Variants in MYO16 observed in about 807,000 individuals in gnomAD.
The protein encoded by MYO16 is myosin XVI.
Under a neutral mutation model 205.3 loss-of-function variants are expected in MYO16, and 94 were observed. The observed-to-expected ratio is 0.46, with a 90% CI of 0.39 to 0.54. MYO16 has a LOEUF of 0.54. Among genes scored for constraint, MYO16 ranks in the 20% least tolerant of loss-of-function variants. The pLI, the probability that MYO16 is intolerant of heterozygous loss-of-function variation, is 0.00. For missense variants in MYO16, 2,315 were observed against 2,387.5 expected, an observed-to-expected ratio of 0.97 and a Z score of 0.63; for synonymous variants, 988 against 954.0, an observed-to-expected ratio of 1.04 and a Z score of -0.66.
At chr13:109,052,534 CTT>C (rs56307546) in intron 25 of MYO16, 59 bp downstream of exon 25, 112 of 1,275,608 alleles carry the variant, frequency 8.8e-5, no homozygotes, top group Non-Finnish European at 1.1e-4. Flanking sequence ...ATATTTGCTT[CTT>C]TTTTTTTAAA....
At chr13:108,648,743 A>C (rs550438042) in intron 1 of MYO16, among the ~76,000 whole-genome samples, 2 of 152,236 alleles carry the variant, frequency 1.3e-5, no homozygotes, top group South Asian at 2.1e-4. Context: ...CTTGGTTGCC[A>C]CTGGCAGAAA....
chr13:109,024,370 T>C (rs1339539124), intron 23 of MYO16, among the ~76,000 whole-genome samples: 1 of 152,050 alleles, frequency 6.6e-6, no homozygotes, highest in Non-Finnish European at 1.5e-5. Context: ...CTGAGTCTGT[T>C]TGTACTGTGT....
intron 27 of MYO16, among the ~76,000 whole-genome samples, chr13:109,074,968 A>G (rs1466457673): frequency 6.6e-6 from 1 of 152,200 alleles, no homozygotes; most frequent in Admixed American, 6.5e-5. Flanking sequence ...ATGGCACCAT[A>G]AATTGTTTAC....
intron 30 of MYO16, among the ~76,000 whole-genome samples, chr13:109,126,431 G>A (rs1360762979): frequency 6.6e-6 from 1 of 152,172 alleles, no homozygotes; most frequent in Admixed American, 6.5e-5. Flanking sequence ...ACTCCTTGTA[G>A]AATGAATGCA....
the MYO16 span, among the ~76,000 whole-genome samples, chr13:108,577,165 A>G: frequency 9.3e-3 from 1,409 of 152,292 alleles, 8 homozygotes; most frequent in Non-Finnish European, 0.014. Context: ...GTTTAATGCA[A>G]TATGACATTT....
chr13:109,041,951 A>T (rs1594495391), intron 23 of MYO16, among the ~76,000 whole-genome samples: 1 of 147,592 alleles, frequency 6.8e-6, no homozygotes, highest in Admixed American at 6.8e-5. Context: ...TGCAATCTCC[A>T]CCTCCTGGGT....
intron 12 of MYO16, among the ~76,000 whole-genome samples, chr13:108,879,626 C>A (rs963255217): frequency 6.6e-6 from 1 of 152,242 alleles, no homozygotes; most frequent in East Asian, 1.9e-4. Flanking sequence ...GTTTTCTGTC[C>A]TTGCAATAGT....
intron 20 of MYO16, among the ~76,000 whole-genome samples, chr13:108,986,138 A>T (rs1014865922): frequency 1.3e-5 from 2 of 152,144 alleles, no homozygotes; most frequent in Non-Finnish European, 2.9e-5. Flanking sequence ...GATTATCGTG[A>T]GAAAAATCTG....
At chr13:109,093,860 G>C (rs1330725413) in intron 27 of MYO16, among the ~76,000 whole-genome samples, 1 of 151,952 alleles carries the variant, frequency 6.6e-6, no homozygotes, top group African/African-American at 2.4e-5. Flanking sequence ...TCACAGTATC[G>C]ATGATGATTT....
chr13:108,844,299 C>G, intron 9 of MYO16, 44 bp from the exon 10 acceptor site: 1 of 1,543,110 alleles, frequency 6.5e-7, no homozygotes, highest in African/African-American at 1.4e-5. Context: ...ATTGATAAAA[C>G]ATTAGAAAGA....
At chr13:108,778,174 C>T (rs1886183962) in intron 4 of MYO16, among the ~76,000 whole-genome samples, 1 of 152,136 alleles carries the variant, frequency 6.6e-6, no homozygotes, top group South Asian at 2.1e-4. Context: ...TACGGTGGGA[C>T]TAGAAGAAAA....
intron 15 of MYO16, among the ~76,000 whole-genome samples, chr13:108,902,213 G>A (rs887624265): frequency 3.9e-5 from 6 of 152,172 alleles, no homozygotes; most frequent in Admixed American, 6.5e-5. Context: ...ACATCCTCAC[G>A]TCTGCCACGC....
intron 7 of MYO16, among the ~76,000 whole-genome samples, chr13:108,819,027 A>G (rs1471476862): frequency 1.3e-5 from 2 of 152,180 alleles, no homozygotes; most frequent in African/African-American, 4.8e-5. Context: ...AATCTGAGCA[A>G]TCTCTTGGAA....
intron 3 of MYO16, among the ~76,000 whole-genome samples, chr13:108,725,806 G>C (rs1241648330): frequency 6.6e-6 from 1 of 152,036 alleles, no homozygotes; most frequent in Non-Finnish European, 1.5e-5. Flanking sequence ...AGCCACCCTG[G>C]TCTCTCAAGA....
intron 28 of MYO16, among the ~76,000 whole-genome samples, chr13:109,115,896 ATATTACT>A (rs1875653068): frequency 6.6e-6 from 1 of 152,194 alleles, no homozygotes; most frequent in African/African-American, 2.4e-5. Flanking sequence ...GAACTGCAAA[ATATTACT>A]TAACTGCTAA....
intron 12 of MYO16, among the ~76,000 whole-genome samples, chr13:108,879,597 T>C (rs1879501247): frequency 1.3e-5 from 2 of 152,046 alleles, no homozygotes; most frequent in African/African-American, 4.8e-5. Context: ...CACCTATGAG[T>C]GAGAACATGA....
chr13:108,949,788 G>T (rs1019498565), intron 16 of MYO16, among the ~76,000 whole-genome samples: 1 of 152,162 alleles, frequency 6.6e-6, no homozygotes, highest in East Asian at 1.9e-4. Flanking sequence ...TGCAGCTAGA[G>T]TAATCCAGAC....
intron 16 of MYO16, among the ~76,000 whole-genome samples, chr13:108,923,261 G>A (rs1044227089): frequency 6.6e-6 from 1 of 152,240 alleles, no homozygotes; most frequent in African/African-American, 2.4e-5. Context: ...GATGCGGGAT[G>A]ACCTCAGAAC....
At chr13:108,535,987 T>C in the MYO16 span, among the ~76,000 whole-genome samples, 2 of 152,008 alleles carry the variant, frequency 1.3e-5, no homozygotes, top group African/African-American at 2.4e-5. Context: ...CCTTTCTGTG[T>C]TTTATGTCTG....
Sources: gnomAD v4.1 joint callset for allele counts (sites outside exome capture counted in the v4.1 genomes callset) on GRCh38, gnomAD v4.1.1 for gene constraint, MANE v1.5 for transcripts, NCBI Gene and HGNC (gene_info 2026-07-23, HGNC 2026-07-21) for gene names.